The following NFE2L3 variants were observed in gnomAD, a reference collection of about 807,000 sequenced individuals.
NFE2L3 encodes nuclear factor erythroid 2-related factor 3.
A neutral mutation model predicts 23.5 loss-of-function variants in NFE2L3; 18 were observed. The ratio of observed to expected loss-of-function variants is 0.77; its 90% CI spans 0.53 to 1.13. The LOEUF is 1.13. Ranked by LOEUF, NFE2L3 falls within the 50% of genes most tolerant of loss-of-function variation. The pLI, the probability that NFE2L3 is intolerant of heterozygous loss-of-function variation, is 0.00. For synonymous variants in NFE2L3, 424 were observed against 354.5 expected (o/e 1.20, Z -2.20); for missense variants, 1,152 against 877.2 (o/e 1.31, Z -3.96).
intron 1 of NFE2L3, among the ~76,000 whole-genome samples, chr7:26,171,520 G>A (rs1366543836): frequency 6.6e-6 from 1 of 151,136 alleles, no homozygotes; most frequent in Non-Finnish European, 1.5e-5. Context: ...CTCCAGCCTG[G>A]GCAACAAGAT....
Position 26,184,848 on chromosome 7 carries a change from CT to C in NFE2L3, c.1152del (p.Asp385ThrfsTer2). 1 of 1,613,884 alleles carries C rather than the reference CT, an allele frequency of 6.2e-7. No individual in the cohort carries two copies. The highest frequency in any genetic ancestry group is 8.5e-7 in the Non-Finnish European group (1 of 1,179,806). On this transcript the variant is annotated frameshift_variant, in exon 4 of 4. Transcript: ENST00000056233. LOFTEE classifies it low-confidence loss of function (END_TRUNC). ...AACAAGCCAAGACCTACTGTATGAC[CT>C]TGACATAAATATATTTGATGAGATA... ...NLTSQDLLYD[L>X]DINIFDEINL...
chr7:26,184,829 C>G lies in NFE2L3; in HGVS notation c.1131C>G (p.Ser377Arg), dbSNP rs1782438422. The G allele has an allele frequency of 6.2e-7, 1 of 1,613,776 alleles. No individual in the cohort carries two copies. The highest frequency in any genetic ancestry group is 8.5e-7 in the Non-Finnish European group (1 of 1,179,848). The change falls in exon 4 of 4, where the codon AGC (serine) becomes AGG (arginine). Residue 377 changes from serine (S) to arginine (R), a missense_variant. By Grantham distance (110) the Ser-to-Arg change is moderately radical. Coordinates refer to ENST00000056233, the MANE Select transcript of NFE2L3 (RefSeq NM_004289.7). ...PVDNHMRNLT[S>R]QDLLYDLDIN... ...ACAATCATATGAGGAATCTAACAAG[C>G]CAAGACCTACTGTATGACCTTGACA...
Position 26,185,807 on chromosome 7 carries a change from T to C in NFE2L3, c.*24T>C, listed in dbSNP as rs770170501. 3.2e-6 allele frequency: 5 copies of C among 1,548,140 alleles called. No individual in the cohort carries two copies. Among genetic ancestry groups the C allele is most frequent in the African/African-American group, 2.8e-5 (2 of 71,576 alleles). The stretch of plus-strand genomic sequence containing the variant: ...GAGAAGAAACTGAAGATGGACTCTA[T>C]TATGTGAAGTAGTAATGTTCAGAAA... On this transcript the variant is annotated 3_prime_UTR_variant, in exon 4 of 4. Coordinates refer to ENST00000056233, the MANE Select transcript of NFE2L3 (RefSeq NM_004289.7).
At chr7:26,154,134 G>C (rs886091105) in intron 1 of NFE2L3, among the ~76,000 whole-genome samples, 1 of 152,176 alleles carries the variant, frequency 6.6e-6, no homozygotes, top group African/African-American at 2.4e-5. Context: ...GTGTGGAAGT[G>C]CTCGGTGATT....
intron 1 of NFE2L3, among the ~76,000 whole-genome samples, chr7:26,153,988 G>C (rs891898956): frequency 6.6e-6 from 1 of 152,206 alleles, no homozygotes; most frequent in African/African-American, 2.4e-5. Context: ...AATGTTCTTC[G>C]GGTGTTGTTT....
chr7:26,158,390 A>C (rs1784117257), intron 1 of NFE2L3, among the ~76,000 whole-genome samples: 1 of 152,132 alleles, frequency 6.6e-6, no homozygotes, highest in Non-Finnish European at 1.5e-5. Context: ...TTCAACATGA[A>C]TTTTGGGGAC....
At chr7:26,177,806 A>C in intron 1 of NFE2L3, 137 bp from the exon 2 acceptor site, 1 of 738,354 alleles carries the variant, frequency 1.4e-6, no homozygotes, top group Non-Finnish European at 2.3e-6. Flanking sequence ...TTTCTGAATT[A>C]AATGTTTCTT....
At chr7:26,154,954 TCTC>T (rs1168160259) in intron 1 of NFE2L3, among the ~76,000 whole-genome samples, 2 of 152,262 alleles carry the variant, frequency 1.3e-5, no homozygotes, top group Admixed American at 6.5e-5. Flanking sequence ...CGAGAACCAT[TCTC>T]CTGGCAGTGC....
At position 26,185,402 on chromosome 7, in the gene NFE2L3, A is replaced by T. The variant is rs186105486; in HGVS notation, c.1704A>T (p.Arg568Ser). 31 of 1,614,024 alleles carry T rather than the reference A, an allele frequency of 1.9e-5. No individual in the cohort carries two copies. Among genetic ancestry groups the T allele is most frequent in the Middle Eastern group, 1.6e-4 (1 of 6,084 alleles). ...PVDSFNSMLS[R>S]YYLTDLQVSL... ...ATTCTTTCAATAGCATGTTAAGTAGATATTATCTGACAGACCTACAAGTCT... is the reference window on the plus strand; with the variant it reads ...ATTCTTTCAATAGCATGTTAAGTAGTTATTATCTGACAGACCTACAAGTCT... The change falls in exon 4 of 4, where the codon AGA (arginine) becomes AGT (serine). Residue 568 changes from arginine to serine, a missense_variant. Physicochemically the swap from Arg to Ser is moderately radical, Grantham distance 110. Coordinates refer to ENST00000056233, the MANE Select transcript of NFE2L3 (RefSeq NM_004289.7).
In NFE2L3 at chr7:26,183,698, C is replaced by T; in HGVS notation, c.751-3C>T. 2 of 1,598,196 alleles carry T rather than the reference C, an allele frequency of 1.3e-6. No individual in the cohort carries two copies. The highest frequency in any genetic ancestry group is 1.7e-6 in the Non-Finnish European group (2 of 1,165,522). ...AAGATGCACTTTTTGTGTTTCTCTA[C>T]AGAGACATCTGAATGGGACAGATAC... On this transcript the variant is annotated splice_region_variant and splice_polypyrimidine_tract_variant and intron_variant, in intron 2 of 3. Transcript: ENST00000056233.
chr7:26,179,422 C>G (rs893784152), intron 2 of NFE2L3, among the ~76,000 whole-genome samples: 5 of 151,894 alleles, frequency 3.3e-5, no homozygotes, highest in Non-Finnish European at 7.4e-5. Context: ...ATCACCTGAG[C>G]CTGGGAGGTC....
intron 2 of NFE2L3, among the ~76,000 whole-genome samples, 186 bp from the exon 3 acceptor site, chr7:26,183,515 T>G (rs1446960387): frequency 7.0e-6 from 1 of 143,818 alleles, no homozygotes; most frequent in Admixed American, 6.9e-5. Flanking sequence ...ACCACTGCAC[T>G]CCATTCTGGG....
Sources: gnomAD v4.1 joint callset for allele counts (sites outside exome capture counted in the v4.1 genomes callset) on GRCh38, gnomAD v4.1.1 for gene constraint, MANE v1.5 for transcripts, NCBI Gene and HGNC (gene_info 2026-07-23, HGNC 2026-07-21) for gene names.